The following HTR2C variants were observed in gnomAD, a reference collection of about 807,000 sequenced individuals.
The protein encoded by HTR2C is 5-hydroxytryptamine (serotonin) receptor 2C, G protein-coupled.
A neutral mutation model predicts 21.0 loss-of-function variants in HTR2C; 5 were observed. That is an observed-to-expected ratio of 0.24 (90% confidence interval 0.12 to 0.50). HTR2C has a LOEUF of 0.50. Ranked by LOEUF, HTR2C falls within the 20% of genes least tolerant of loss-of-function variation. The pLI, the probability that HTR2C is intolerant of heterozygous loss-of-function variation, is 0.98. For synonymous variants in HTR2C, 150 were observed against 145.3 expected, an observed-to-expected ratio of 1.03 and a Z score of -0.23; for missense variants, 271 against 371.2, an observed-to-expected ratio of 0.73 and a Z score of 2.22.
At chrX:114,706,833 T>C (rs5987808) in intron 2 of HTR2C, among the ~76,000 whole-genome samples, 1,312 of 111,409 alleles carry the variant, frequency 0.012, 14 homozygotes, top group African/African-American at 0.041. Flanking sequence ...CATAGCACCA[T>C]GTTGAGCTAA....
chrX:114,817,684 G>A (rs1306845680), intron 4 of HTR2C, among the ~76,000 whole-genome samples: 2 of 111,227 alleles, frequency 1.8e-5, no homozygotes, highest in Non-Finnish European at 3.8e-5. Context: ...GCTACTGGAT[G>A]GGGGAAGGGA....
chrX:114,813,088 C>T (rs926833275), intron 4 of HTR2C, among the ~76,000 whole-genome samples: 1 of 111,699 alleles, frequency 9.0e-6, no homozygotes, highest in Non-Finnish European at 1.9e-5. Flanking sequence ...TGCCACCCCA[C>T]TTATAAATAT....
intron 2 of HTR2C, among the ~76,000 whole-genome samples, chrX:114,712,045 C>T (rs782073926): frequency 7.9e-4 from 88 of 111,723 alleles, no homozygotes; most frequent in African/African-American, 2.2e-3. Flanking sequence ...GAAGAAGCAA[C>T]GCTGCCTATG....
intron 2 of HTR2C, among the ~76,000 whole-genome samples, chrX:114,701,957 T>C (rs1932526476): frequency 9.0e-6 from 1 of 110,976 alleles, no homozygotes; most frequent in African/African-American, 3.3e-5. Context: ...AGAAAGGGTA[T>C]CAGTGATGGA....
Position 114,864,365 on chromosome X carries a change from C to G in HTR2C, c.550+16162C>G, listed in dbSNP as rs1371579725. 9.9e-5 allele frequency among the ~76,000 whole-genome samples: 11 copies of G among 111,374 alleles called. 1 individual carries two copies. The highest frequency in any genetic ancestry group is 3.6e-4 in the African/African-American group (11 of 30,827). Reference sequence around the variant, plus strand: ...TAAAACATCATATAGTTATAATCTACTATTTTAAGCTAACAACTTAACTTC... The same window carrying G: ...TAAAACATCATATAGTTATAATCTAGTATTTTAAGCTAACAACTTAACTTC... On this transcript the variant is annotated intron_variant, in intron 5 of 5. Coordinates refer to ENST00000276198, the MANE Select transcript of HTR2C (RefSeq NM_000868.4).
chrX:114,904,392 C>T (rs1556486061), intron 5 of HTR2C, among the ~76,000 whole-genome samples: 1 of 111,290 alleles, frequency 9.0e-6, no homozygotes, highest in Admixed American at 9.6e-5. Context: ...GAAATAACTC[C>T]AAACATCATA....
intron 5 of HTR2C, among the ~76,000 whole-genome samples, chrX:114,872,467 T>A (rs782181339): frequency 9.1e-6 from 1 of 110,003 alleles, no homozygotes; most frequent in Non-Finnish European, 1.9e-5. Context: ...TAAGCACTGC[T>A]TTTACTATAT....
At chrX:114,672,237 TA>T (rs1556411862) in intron 2 of HTR2C, among the ~76,000 whole-genome samples, 1 of 111,376 alleles carries the variant, frequency 9.0e-6, no homozygotes, top group African/African-American at 3.3e-5. Flanking sequence ...AAAGGTAAAT[TA>T]AAAATTACAT....
chrX:114,894,153 G>A (rs2071278420), intron 5 of HTR2C, among the ~76,000 whole-genome samples: 1 of 111,394 alleles, frequency 9.0e-6, no homozygotes, highest in African/African-American at 3.3e-5. Context: ...CAATTCCACT[G>A]CTTACATTTA....
chrX:114,692,073 A>G (rs1932122048), intron 2 of HTR2C, among the ~76,000 whole-genome samples: 1 of 112,007 alleles, frequency 8.9e-6, no homozygotes, highest in Non-Finnish European at 1.9e-5. Flanking sequence ...AAGAATTTTT[A>G]TACTTCAGAA....
intron 5 of HTR2C, among the ~76,000 whole-genome samples, chrX:114,893,304 A>G (rs1556483206): frequency 2.7e-5 from 3 of 111,698 alleles, no homozygotes; most frequent in Non-Finnish European, 5.6e-5. Flanking sequence ...TGATCTCAAG[A>G]CATACAATAT....
At chrX:114,744,155 T>C (rs181010607) in intron 4 of HTR2C, among the ~76,000 whole-genome samples, 110 of 110,840 alleles carry the variant, frequency 9.9e-4, no homozygotes, top group African/African-American at 3.4e-3. Flanking sequence ...CATCACATTG[T>C]ACATTTTAAA....
At chrX:114,660,911 G>A (rs1930962249) in intron 2 of HTR2C, among the ~76,000 whole-genome samples, 1 of 112,039 alleles carries the variant, frequency 8.9e-6, no homozygotes, top group Non-Finnish European at 1.9e-5. Flanking sequence ...CCAAAGTTGT[G>A]TATTCTATTT....
At chrX:114,591,038 C>A (rs1369052365) in intron 1 of HTR2C, among the ~76,000 whole-genome samples, 12 of 111,817 alleles carry the variant, frequency 1.1e-4, no homozygotes, top group Non-Finnish European at 1.1e-4. Flanking sequence ...GGAAATCAGA[C>A]ATTAGTATTA....
intron 1 of HTR2C, among the ~76,000 whole-genome samples, chrX:114,598,364 C>A (rs1210373539): frequency 2.7e-5 from 3 of 111,591 alleles, no homozygotes; most frequent in Non-Finnish European, 5.7e-5. Flanking sequence ...ACAGAAAAAG[C>A]CTCCATGAGT....
At chrX:114,861,174 T>C (rs927086773) in intron 5 of HTR2C, among the ~76,000 whole-genome samples, 1 of 111,388 alleles carries the variant, frequency 9.0e-6, no homozygotes, top group African/African-American at 3.2e-5. Context: ...CTTTGTACTC[T>C]GACCTGTGTC....
intron 4 of HTR2C, among the ~76,000 whole-genome samples, chrX:114,794,844 C>T (rs1399286330): frequency 9.1e-6 from 1 of 109,844 alleles, no homozygotes; most frequent in Non-Finnish European, 1.9e-5. Context: ...CAAACGTGTG[C>T]ATGTGTCTTT....
intron 1 of HTR2C, among the ~76,000 whole-genome samples, chrX:114,590,615 A>C (rs781850516): frequency 8.9e-6 from 1 of 112,349 alleles, no homozygotes; most frequent in East Asian, 2.8e-4. Flanking sequence ...AATTTTTAGC[A>C]CATCTGCACA....
At chrX:114,694,281 A>G (rs1379553438) in intron 2 of HTR2C, among the ~76,000 whole-genome samples, 1 of 110,079 alleles carries the variant, frequency 9.1e-6, no homozygotes, top group Non-Finnish European at 1.9e-5. Flanking sequence ...TAATTTTCAC[A>G]TGGTGAAATT....
Sources: gnomAD v4.1 joint callset for allele counts (sites outside exome capture counted in the v4.1 genomes callset) on GRCh38, gnomAD v4.1.1 for gene constraint, MANE v1.5 for transcripts, NCBI Gene and HGNC (gene_info 2026-07-23, HGNC 2026-07-21) for gene names.